Variants in AP3B2 observed in about 807,000 individuals in gnomAD.
AP3B2 encodes AP-3 complex subunit beta-2.
A neutral mutation model predicts 126.9 loss-of-function variants in AP3B2; 50 were observed. The ratio of observed to expected loss-of-function variants is 0.39; its 90% CI spans 0.31 to 0.50. AP3B2 has a LOEUF of 0.50. Ranked by LOEUF, AP3B2 falls within the 20% of genes least tolerant of loss-of-function variation. AP3B2 has a pLI of 0.79. For synonymous variants in AP3B2, 541 were observed against 565.0 expected, an observed-to-expected ratio of 0.96 and a Z score of 0.60; for missense variants, 1,177 against 1,426.4, an observed-to-expected ratio of 0.83 and a Z score of 2.82.
At chr15:82,679,872 C>T (rs2048304158) in intron 9 of AP3B2, 72 bp from the exon 10 acceptor site, 1 of 1,377,432 alleles carries the variant, frequency 7.3e-7, no homozygotes, top group African/African-American at 1.4e-5. Context: ...AGACACCCCT[C>T]CTATCCTGAC....
intron 1 of AP3B2, among the ~76,000 whole-genome samples, chr15:82,697,346 TA>T (rs373607328): frequency 4.8e-5 from 7 of 147,218 alleles, no homozygotes; most frequent in East Asian, 2.0e-4. Context: ...AAATAAAAAA[TA>T]AAAAAAAAAT....
chr15:82,701,007 T>C (rs2048712616), intron 1 of AP3B2, among the ~76,000 whole-genome samples: 1 of 152,118 alleles, frequency 6.6e-6, no homozygotes, highest in East Asian at 1.9e-4. Context: ...ATTATAGACA[T>C]GCGTTACCAC....
intron 4 of AP3B2, among the ~76,000 whole-genome samples, chr15:82,683,128 G>A (rs551442133): frequency 2.9e-5 from 4 of 135,792 alleles, no homozygotes; most frequent in East Asian, 4.5e-4. Flanking sequence ...GCGAGATCTC[G>A]GGTCACTGCA....
At chr15:82,706,313 T>C (rs139119947) in intron 1 of AP3B2, among the ~76,000 whole-genome samples, 9 of 152,254 alleles carry the variant, frequency 5.9e-5, no homozygotes, top group Non-Finnish European at 1.3e-4. Context: ...AAAAGGACTA[T>C]GTGTCAATAT....
chr15:82,677,803 T>C lies in AP3B2; in HGVS notation c.1246A>G (p.Thr416Ala). The C allele has an allele frequency of 1.3e-6, 2 of 1,594,874 alleles. No homozygotes were observed. Among genetic ancestry groups the C allele is most frequent in the Non-Finnish European group, 1.7e-6 (2 of 1,169,012 alleles). Residue 416 changes from threonine (T) to alanine (A), a missense_variant and splice_region_variant, in exon 12 of 27, where the codon ACC becomes GCC. Around this residue, in one of 5 missense-constraint regions of AP3B2, gnomAD observed 308 missense variants for 452.4 expected, o/e 0.68. Coordinates refer to ENST00000535359, the MANE Select transcript of AP3B2 (RefSeq NM_001278512.2). ...NIPTVLREFQ[T>A]YIRSMDKDFV... The stretch of plus-strand genomic sequence containing the variant: ...TCCTTGTCCATGCTGCGAATATAGG[T>C]CTGTGGGATATGACAAAGAAATCCC...
In AP3B2 at chr15:82,659,599, G is replaced by C. The variant is rs773195273; in HGVS notation, c.3267C>G (p.Thr1089=). 27 of 1,613,816 alleles carry C rather than the reference G, an allele frequency of 1.7e-5. No individual in the cohort carries two copies. The highest frequency in any genetic ancestry group is 3.3e-5 in the Admixed American group (2 of 59,998). ...TVNSEKMVIG[T]MLVKDVIQAL... ...CCTGTATCACATCCTTTACCAGCATGGTGCCAATCACCATTTTCTCGCTGT... is the reference window on the plus strand; with the variant it reads ...CCTGTATCACATCCTTTACCAGCATCGTGCCAATCACCATTTTCTCGCTGT... Residue 1089 remains threonine (T), a synonymous_variant, in exon 27 of 27, where the codon ACC becomes ACG. Coordinates refer to ENST00000535359, the MANE Select transcript of AP3B2 (RefSeq NM_001278512.2).
At chr15:82,706,843 G>C (rs1596201508) in intron 1 of AP3B2, among the ~76,000 whole-genome samples, 1 of 151,790 alleles carries the variant, frequency 6.6e-6, no homozygotes, top group African/African-American at 2.4e-5. Flanking sequence ...ACTTCTCAGT[G>C]TTCCATCTGC....
At chr15:82,701,718 T>TG (rs1472692828) in intron 1 of AP3B2, among the ~76,000 whole-genome samples, 1 of 152,268 alleles carries the variant, frequency 6.6e-6, no homozygotes, top group Non-Finnish European at 1.5e-5. Context: ...TGAATCTAGA[T>TG]GGATGATATA....
At chr15:82,690,357 A>G (rs972327983) in intron 1 of AP3B2, among the ~76,000 whole-genome samples, 12 of 151,910 alleles carry the variant, frequency 7.9e-5, no homozygotes, top group Non-Finnish European at 1.6e-4. Flanking sequence ...GCACCCATTA[A>G]TTCGTCATTT....
chr15:82,685,331 C>A (rs547766588), intron 4 of AP3B2: 49 of 152,282 alleles, frequency 3.2e-4, no homozygotes, highest in African/African-American at 1.2e-3. Flanking sequence ...GTAAAAAGTG[C>A]AATATCTGGC....
chr15:82,707,217 G>C (rs796805368), intron 1 of AP3B2, among the ~76,000 whole-genome samples: 1 of 148,164 alleles, frequency 6.7e-6, no homozygotes, highest in Non-Finnish European at 1.5e-5. Flanking sequence ...TCAATCTTCA[G>C]AAAAGGTAGA....
At chr15:82,703,172 C>A (rs1210122530) in intron 1 of AP3B2, among the ~76,000 whole-genome samples, 1 of 152,124 alleles carries the variant, frequency 6.6e-6, no homozygotes, top group Non-Finnish European at 1.5e-5. Context: ...TATTCACCCA[C>A]GTTTCAGAGT....
intron 4 of AP3B2, among the ~76,000 whole-genome samples, chr15:82,684,560 GCTTT>G (rs1418945701): frequency 1.3e-5 from 2 of 152,172 alleles, no homozygotes; most frequent in African/African-American, 4.8e-5. Flanking sequence ...ATCCTGTCTT[GCTTT>G]CTTTATCATT....
At chr15:82,688,357 T>C in intron 4 of AP3B2, 3 of 695,030 alleles carry the variant, frequency 4.3e-6, no homozygotes, top group East Asian at 5.4e-5. Context: ...CTGCTAAAGG[T>C]TGAAATCTAC....
chr15:82,681,108 G>C lies in AP3B2; in HGVS notation c.588+4C>G, dbSNP rs1294375291. The C allele has an allele frequency of 1.9e-6, 3 of 1,613,436 alleles. No individual in the cohort carries two copies. In the Admixed American group the frequency reaches 5.0e-5, roughly 27 times the overall value. On this transcript the variant is annotated splice_donor_region_variant and intron_variant, in intron 6 of 26. Coordinates refer to ENST00000535359, the MANE Select transcript of AP3B2 (RefSeq NM_001278512.2). The surrounding 1 kb of genome is among the most constrained non-coding windows in gnomAD (Gnocchi z 4.0). ...CCCCTCCCGGAGCGCCCCTATACACGCACCGTGGTCTTGTCAGCCAGAAGC... is the reference window on the plus strand; with the variant it reads ...CCCCTCCCGGAGCGCCCCTATACACCCACCGTGGTCTTGTCAGCCAGAAGC...
chr15:82,708,435 C>T (rs756452279), intron 1 of AP3B2, among the ~76,000 whole-genome samples: 3 of 151,948 alleles, frequency 2.0e-5, no homozygotes, highest in Non-Finnish European at 2.9e-5. Flanking sequence ...CCTCTAAACC[C>T]CCACCCAATA....
chr15:82,675,282 G>A (rs1308236349), intron 14 of AP3B2, among the ~76,000 whole-genome samples: 1 of 152,164 alleles, frequency 6.6e-6, no homozygotes, highest in African/African-American at 2.4e-5. Flanking sequence ...CTTTTGATAA[G>A]GCTAGCATAT....
chr15:82,680,433 G>A lies in AP3B2; in HGVS notation c.1055+39C>T. The A allele has an allele frequency of 1.4e-6, 2 of 1,452,104 alleles. No individual in the cohort carries two copies. Among genetic ancestry groups the A allele is most frequent in the East Asian group, 5.1e-5 (2 of 39,104 alleles). 90.0% of individuals were successfully genotyped at this position (1,452,104 alleles called of 1,614,324 possible). ...GCCGGGCAGCCCGTGGGGCGGGGCA[G>A]GAGGCGAGGGAGGGGGCGGGGCTGG... On this transcript the variant is annotated intron_variant, in intron 8 of 26. Coordinates refer to ENST00000535359, the MANE Select transcript of AP3B2 (RefSeq NM_001278512.2). This position sits in a 1 kb window ranked among gnomAD's most constrained non-coding sequence, Gnocchi z 6.1.
chr15:82,700,800 A>G (rs1211158150), intron 1 of AP3B2, among the ~76,000 whole-genome samples: 5 of 152,080 alleles, frequency 3.3e-5, no homozygotes, highest in African/African-American at 1.2e-4. Flanking sequence ...AAAAAGGGAA[A>G]GTCTTTAGAT....
Sources: allele counts gnomAD v4.1 joint callset (sites outside exome capture counted in the v4.1 genomes callset), GRCh38; gene constraint gnomAD v4.1.1; regional missense constraint gnomAD v4.1.1; non-coding constraint Gnocchi (gnomAD v3.1); transcripts MANE v1.5; gene names NCBI Gene and HGNC (gene_info 2026-07-23, HGNC 2026-07-21).